ZNF398: variants seen among roughly 807,000 people sequenced by gnomAD.
The protein encoded by ZNF398 is zinc finger protein 398, also known as zinc finger DNA binding protein ZER6.
Under a neutral mutation model 41.9 loss-of-function variants are expected in ZNF398, and 18 were observed. That is an observed-to-expected ratio of 0.43 (90% CI 0.30 to 0.64). ZNF398 has a LOEUF of 0.64. ZNF398 is among the 30% of genes least tolerant of loss of function. ZNF398 has a pLI of 0.14. For synonymous variants in ZNF398, 260 were observed against 308.8 expected, an observed-to-expected ratio of 0.84 and a Z score of 1.66; for missense variants, 669 against 822.8, an observed-to-expected ratio of 0.81 and a Z score of 2.29.
At chr7:149,172,437 A>G (rs1202456) in intron 4 of ZNF398, among the ~76,000 whole-genome samples, 28,722 of 151,994 alleles carry the variant, frequency 0.19, 3,085 homozygotes, top group African/African-American at 0.28. Context: ...GCTTATGTTA[A>G]GTACCCCGCG....
At chr7:149,152,071 G>A (rs957520866) in intron 1 of ZNF398, among the ~76,000 whole-genome samples, 2 of 151,866 alleles carry the variant, frequency 1.3e-5, no homozygotes, top group Non-Finnish European at 2.9e-5. Context: ...AAAATTAGCT[G>A]AGCATGGTGG....
chr7:149,158,108 A>G (rs1461025791), intron 2 of ZNF398, among the ~76,000 whole-genome samples: 1 of 152,162 alleles, frequency 6.6e-6, no homozygotes, highest in African/African-American at 2.4e-5. Context: ...ATAAAAATCA[A>G]AAAGAAGGAA....
intron 2 of ZNF398, among the ~76,000 whole-genome samples, chr7:149,157,676 A>G (rs542624204): frequency 6.6e-6 from 1 of 151,798 alleles, no homozygotes; most frequent in Non-Finnish European, 1.5e-5. Context: ...CGTCTCTACT[A>G]AAAGTACAAA....
rs1184221153 is a variant in ZNF398, at chr7:149,147,485, G to A, written c.-258G>A. On this transcript the variant is annotated 5_prime_UTR_variant, in exon 1 of 6. Coordinates refer to ENST00000475153, the MANE Select transcript of ZNF398 (RefSeq NM_170686.3). This position sits in a 1 kb window ranked among gnomAD's most constrained non-coding sequence, Gnocchi z 5.6. Reference sequence around the variant, plus strand: ...CTGCCCACAAAGCGCCAGCTGAGGGGCCGCTGCGGGTGGAGTGCGGCGGAG... The same window carrying A: ...CTGCCCACAAAGCGCCAGCTGAGGGACCGCTGCGGGTGGAGTGCGGCGGAG... 1.7e-5 allele frequency: 5 copies of A among 294,016 alleles called. No homozygotes were observed. The highest frequency in any genetic ancestry group is 3.1e-5 in the Non-Finnish European group (5 of 161,696). 18.2% of individuals were successfully genotyped at this position (294,016 alleles called of 1,614,324 possible). A position where few individuals can be genotyped will look rare whatever the true frequency, so the allele number is the denominator to read the frequency against.
chr7:149,176,577 T>G lies in ZNF398; in HGVS notation c.771T>G (p.Tyr257Ter). The G allele has an allele frequency of 6.3e-7, 1 of 1,596,532 alleles. No individual in the cohort carries two copies. ...SKESDVYKST[Y>*]ADEELVIKAE... ...AGAGTGACGTGTACAAAAGCACTTA[T>G]GCTGGTGAGTATGAAATTAAAGAGG... The change falls in exon 5 of 6, where the codon TAT becomes TAG. Residue 257 changes from tyrosine to a stop codon, truncating the protein, a stop_gained. Coordinates refer to ENST00000475153, the MANE Select transcript of ZNF398 (RefSeq NM_170686.3). LOFTEE classifies it low-confidence loss of function (END_TRUNC).
At chr7:149,164,631 T>TA (rs1369558170) in intron 2 of ZNF398, among the ~76,000 whole-genome samples, 2 of 151,878 alleles carry the variant, frequency 1.3e-5, no homozygotes, top group African/African-American at 2.4e-5. Context: ...GTGCCCTTAG[T>TA]AAAAAAAGAT....
intron 1 of ZNF398, among the ~76,000 whole-genome samples, chr7:149,153,717 A>G (rs1353498709): frequency 6.6e-6 from 1 of 152,172 alleles, no homozygotes; most frequent in South Asian, 2.1e-4. Flanking sequence ...TCAAGAGCCA[A>G]TTTCATTAAT....
intron 2 of ZNF398, among the ~76,000 whole-genome samples, chr7:149,133,663 A>ATATATATATATATACATATATATGTGTG (rs1563152638): frequency 1.1e-4 from 5 of 47,090 alleles, no homozygotes; most frequent in African/African-American, 3.7e-4. Flanking sequence ...AAATATATAT[A>ATATATATATATATACATATATATGTGTG]TATATATATA....
At chr7:149,156,868 A>AT (rs1167556455) in intron 2 of ZNF398, among the ~76,000 whole-genome samples, 1 of 151,706 alleles carries the variant, frequency 6.6e-6, no homozygotes, top group Non-Finnish European at 1.5e-5. Flanking sequence ...TTTCAAAAAA[A>AT]AAAAAAAGAA....
intron 5 of ZNF398, among the ~76,000 whole-genome samples, chr7:149,178,429 G>A (rs779797323): frequency 9.2e-5 from 14 of 152,176 alleles, no homozygotes; most frequent in Non-Finnish European, 1.8e-4. Flanking sequence ...CTCCATCGTG[G>A]GCAACAGAAT....
At chr7:149,154,456 C>A in intron 2 of ZNF398, 116 bp downstream of exon 2, 1 of 1,203,228 alleles carries the variant, frequency 8.3e-7, no homozygotes, top group Non-Finnish European at 1.1e-6. Context: ...TAAAATATCT[C>A]AGTCTGAAAG....
chr7:149,133,694 T>C (rs1179506518), intron 2 of ZNF398, among the ~76,000 whole-genome samples: 9 of 34,690 alleles, frequency 2.6e-4, no homozygotes, highest in Non-Finnish European at 2.9e-4. Flanking sequence ...TATATGTGTG[T>C]ATATATATAT....
intron 1 of ZNF398, among the ~76,000 whole-genome samples, chr7:149,128,059 G>A (rs961019158): frequency 6.6e-6 from 1 of 152,152 alleles, no homozygotes; most frequent in African/African-American, 2.4e-5. Flanking sequence ...CCATGTTTAC[G>A]AAGAGTCAAA....
chr7:149,127,889 T>A (rs1826519570), intron 1 of ZNF398, among the ~76,000 whole-genome samples: 1 of 152,154 alleles, frequency 6.6e-6, no homozygotes, highest in African/African-American at 2.4e-5. Flanking sequence ...CTTCATTTGC[T>A]TTATGGTCAC....
chr7:149,147,608 C>A lies in ZNF398; in HGVS notation c.-135C>A. 1 of 1,006,726 alleles carries A rather than the reference C, an allele frequency of 9.9e-7. No individual in the cohort carries two copies. The highest frequency in any genetic ancestry group is 1.3e-6 in the Non-Finnish European group (1 of 793,844). The allele number at this position is 1,006,726 out of a possible 1,614,324, so 62.4% of individuals were successfully genotyped here. On this transcript the variant is annotated 5_prime_UTR_variant, in exon 1 of 6. Transcript: ENST00000475153. The surrounding 1 kb of genome is among the most constrained non-coding windows in gnomAD (Gnocchi z 5.6). The stretch of plus-strand genomic sequence containing the variant: ...CCCCGACGGCCGCGTGAGTCCCGTC[C>A]GTGCGGGGAAGGCAGGGCCGGGTCG...
chr7:149,132,194 CTTTT>C (rs35611997), intron 2 of ZNF398, among the ~76,000 whole-genome samples: 4 of 113,378 alleles, frequency 3.5e-5, no homozygotes, highest in African/African-American at 6.3e-5. Flanking sequence ...TTCTCTCTCT[CTTTT>C]TTTTTTTTTT....
chr7:149,157,979 G>A (rs1451751040), intron 2 of ZNF398, among the ~76,000 whole-genome samples: 3 of 152,176 alleles, frequency 2.0e-5, no homozygotes, highest in Admixed American at 1.3e-4. Flanking sequence ...CTACTCGGGA[G>A]GCTGTGGCAG....
intron 1 of ZNF398, among the ~76,000 whole-genome samples, chr7:149,128,497 A>C (rs565131622): frequency 1.3e-5 from 2 of 152,080 alleles, no homozygotes; most frequent in Non-Finnish European, 2.9e-5. Flanking sequence ...CTGTAATCCC[A>C]GCACTTTGGG....
In ZNF398 at chr7:149,126,525, G is replaced by A. The variant is rs571515377; in HGVS notation, c.-742G>A. ...GCATGCGAGGGATGCGGTCGAAGACGAGATGAGGGAGCTGACGGGAGGGGA... is the reference window on the plus strand; with the variant it reads ...GCATGCGAGGGATGCGGTCGAAGACAAGATGAGGGAGCTGACGGGAGGGGA... On this transcript the variant is annotated 5_prime_UTR_variant, in exon 1 of 7. Transcript: ENST00000426851. 13 of 488,126 alleles carry A rather than the reference G, an allele frequency of 2.7e-5. No individual in the cohort carries two copies. The South Asian group carries it at 3.6e-4, about 13-fold the overall frequency. The allele number at this position is 488,126 out of a possible 1,614,324, so 30.2% of individuals were successfully genotyped here. A position where few individuals can be genotyped will look rare whatever the true frequency, so the allele number is the denominator to read the frequency against.
Sources: allele counts gnomAD v4.1 joint callset (sites outside exome capture counted in the v4.1 genomes callset), GRCh38; gene constraint gnomAD v4.1.1; non-coding constraint Gnocchi (gnomAD v3.1); transcripts MANE v1.5; gene names NCBI Gene and HGNC (gene_info 2026-07-23, HGNC 2026-07-21).